NRIP2: variants seen among roughly 807,000 people sequenced by gnomAD.
NRIP2 encodes nuclear receptor-interacting protein 2.
A neutral mutation model predicts 34.1 loss-of-function variants in NRIP2; 27 were observed. The ratio of observed to expected loss-of-function variants is 0.79; its 90% confidence interval spans 0.58 to 1.09. The LOEUF is 1.09. Ranked by LOEUF, NRIP2 falls within the 50% of genes least tolerant of loss-of-function variation. The pLI is 0.00. For synonymous variants in NRIP2, 145 were observed against 146.9 expected, an observed-to-expected ratio of 0.99 and a Z score of 0.09; for missense variants, 385 against 352.6, an observed-to-expected ratio of 1.09 and a Z score of -0.74.
chr12:2,831,818 A>C (rs2098004732), intron 1 of NRIP2, among the ~76,000 whole-genome samples: 2 of 151,808 alleles, frequency 1.3e-5, no homozygotes, highest in South Asian at 4.2e-4. Context: ...ACTGGACTCT[A>C]ATTCCTTGGC....
At chr12:2,828,562 A>G (rs531375932) in intron 2 of NRIP2, 148 bp from the exon 3 acceptor site, 7 of 666,754 alleles carry the variant, frequency 1.0e-5, no homozygotes, top group South Asian at 1.9e-5. Context: ...TATCGGGGCC[A>G]GGCGCGGTAG....
Position 2,828,035 on chromosome 12 carries a change from C to A in NRIP2, c.591G>T (p.Arg197Ser). 1.2e-6 allele frequency: 2 copies of A among 1,613,738 alleles called. No homozygotes were observed. The highest frequency in any genetic ancestry group is 1.7e-6 in the Non-Finnish European group (2 of 1,179,848). Residue 197 changes from arginine (R) to serine (S), a missense_variant, in exon 4 of 6, where the codon AGG becomes AGT. Coordinates refer to ENST00000337508, the MANE Select transcript of NRIP2 (RefSeq NM_031474.3). ...GCLSRLGLEK[R>S]VLKASAGDLA... Reference sequence around the variant, plus strand: ...GGTCCCCAGCTGAGGCTTTTAGGACCCTTTTCTCTAACCTGTGGTTGGGAA... The same window carrying A: ...GGTCCCCAGCTGAGGCTTTTAGGACACTTTTCTCTAACCTGTGGTTGGGAA...
At position 2,828,372 on chromosome 12, in the gene NRIP2, G is replaced by C. The variant is rs1447086713; in HGVS notation, c.538C>G (p.Gln180Glu). Residue 180 changes from glutamine (Q) to glutamate (E), a missense_variant, in exon 3 of 6, where the codon CAA (glutamine) becomes GAA (glutamate). Physicochemically the swap from Gln to Glu is conservative, Grantham distance 29. Transcript: ENST00000337508. The stretch of plus-strand genomic sequence containing the variant: ...CATCCAGCAGAGATCCGATTGTATT[G>C]GGTGCCTGTGTCAACGGCCACTCTA... ...LLRVAVDTGT[Q>E]YNRISAGCLS... The C allele has an allele frequency of 3.1e-6, 5 of 1,614,098 alleles. No homozygotes were observed. Among genetic ancestry groups the C allele is most frequent in the Non-Finnish European group, 4.2e-6 (5 of 1,180,038 alleles).
chr12:2,834,875 G>A lies in NRIP2; in HGVS notation c.109C>T (p.Pro37Ser), dbSNP rs749967053. Reference protein sequence around the residue: ...AGRSREDSVTPPPSSPWPTPP... With the variant: ...AGRSREDSVTSPPSSPWPTPP... ...GTGGGCCAGGGGCTGCTCGGTGGGGGCGTCACCGAGTCCTCTCTGCTTCTT... is the reference window on the plus strand; with the variant it reads ...GTGGGCCAGGGGCTGCTCGGTGGGGACGTCACCGAGTCCTCTCTGCTTCTT... Residue 37 changes from proline (P) to serine (S), a missense_variant, in exon 1 of 6, where the codon CCC (proline) becomes TCC (serine). Physicochemically the swap from Pro to Ser is moderately conservative, Grantham distance 74 (BLOSUM62 -1). Coordinates refer to ENST00000337508, the MANE Select transcript of NRIP2 (RefSeq NM_031474.3). The A allele has an allele frequency of 3.7e-6, 6 of 1,613,654 alleles. No individual in the cohort carries two copies. The highest frequency in any genetic ancestry group is 2.5e-6 in the Non-Finnish European group (3 of 1,179,974).
In NRIP2 at chr12:2,827,219, C is replaced by G; in HGVS notation, c.834G>C (p.Glu278Asp). 1.2e-6 allele frequency: 2 copies of G among 1,614,158 alleles called. No individual in the cohort carries two copies. Among genetic ancestry groups the G allele is most frequent in the South Asian group, 1.1e-5 (1 of 91,088 alleles). Residue 278 changes from glutamate (E) to aspartate (D), a missense_variant, in exon 6 of 6, where the codon GAG becomes GAC. Glu to Asp is a conservative substitution (Grantham distance 45, BLOSUM62 2). Transcript: ENST00000337508. The surrounding 1 kb of genome is among the most constrained non-coding windows in gnomAD (Gnocchi z 4.0). ...SELPFLPLYQ[E>D]PGQ Reference sequence around the variant, plus strand: ...ACTGAGACAGCAGTCACTGGCCAGGCTCTTGGTACAAAGGCAGGAAGGGTA... The same window carrying G: ...ACTGAGACAGCAGTCACTGGCCAGGGTCTTGGTACAAAGGCAGGAAGGGTA...
intron 1 of NRIP2, among the ~76,000 whole-genome samples, chr12:2,832,081 C>T (rs555616220): frequency 2.6e-5 from 4 of 152,270 alleles, no homozygotes; most frequent in African/African-American, 9.6e-5. Context: ...AGATCAGCAA[C>T]TTTAACATCA....
At position 2,826,247 on chromosome 12, in the gene NRIP2, C is replaced by G. The variant is rs1340789469; in HGVS notation, c.*960G>C. On this transcript the variant is annotated 3_prime_UTR_variant, in exon 6 of 6. Coordinates refer to ENST00000337508, the MANE Select transcript of NRIP2 (RefSeq NM_031474.3). ...CTCTGTCTTTTTGCTTTGGCAAAGC[C>G]TGGCAGGGGGTTAGAAAGCCACTGA... The G allele has an allele frequency of 2.0e-5, 3 of 151,668 alleles. No individual in the cohort carries two copies. The highest frequency in any genetic ancestry group is 1.3e-4 in the Admixed American group (2 of 15,242). The allele number at this position is 151,668 out of a possible 1,614,324, so 9.4% of individuals were successfully genotyped here.
At position 2,826,549 on chromosome 12, in the gene NRIP2, A is replaced by G. The variant is rs1448905909; in HGVS notation, c.*658T>C. ...AGCAGAAGTATGTCCAAGGTTTTGC[A>G]CAGGGTAATCAAACTAACTGGCTTC... On this transcript the variant is annotated 3_prime_UTR_variant, in exon 6 of 6. Transcript: ENST00000337508. 7.0e-6 allele frequency: 1 copy of G among 142,624 alleles called. No individual in the cohort carries two copies. The allele number at this position is 142,624 out of a possible 1,614,324, so 8.8% of individuals were successfully genotyped here.
rs1025402179 is a variant in NRIP2, at chr12:2,827,383, TC to T, written c.754-85del. ...TGCTCCTTTTGTTCCCCCTCCCACTTCCCACAGCTTCCACCTGCCTTTTGCT... is the reference window on the plus strand; with the variant it reads ...TGCTCCTTTTGTTCCCCCTCCCACTTCCACAGCTTCCACCTGCCTTTTGCT... On this transcript the variant is annotated intron_variant, in intron 5 of 5. Coordinates refer to ENST00000337508, the MANE Select transcript of NRIP2 (RefSeq NM_031474.3). The surrounding 1 kb of genome is among the most constrained non-coding windows in gnomAD (Gnocchi z 4.0). 3.3e-5 allele frequency: 51 copies of T among 1,532,612 alleles called. No individual in the cohort carries two copies. The highest frequency in any genetic ancestry group is 4.2e-4 in the Middle Eastern group (2 of 4,768). 94.9% of individuals were successfully genotyped at this position (1,532,612 alleles called of 1,614,324 possible). A position where few individuals can be genotyped will look rare whatever the true frequency, so the allele number is the denominator to read the frequency against.
chr12:2,830,883 A>G (rs762581764), intron 1 of NRIP2, 23 bp from the exon 2 acceptor site: 1 of 1,608,112 alleles, frequency 6.2e-7, no homozygotes, highest in Non-Finnish European at 8.5e-7. Context: ...CAAAACAATG[A>G]AGGTAGGCAG....
At chr12:2,834,614 C>T (rs373279653) in intron 1 of NRIP2, 28 bp downstream of exon 1, 22 of 1,543,748 alleles carry the variant, frequency 1.4e-5, no homozygotes, top group African/African-American at 9.6e-5. Flanking sequence ...GGCCAGGGGA[C>T]GCTGGCAGGG....
At chr12:2,830,470 G>A (rs1288865184) in intron 2 of NRIP2, 5 of 468,432 alleles carry the variant, frequency 1.1e-5, no homozygotes, top group Non-Finnish European at 1.9e-5. Flanking sequence ...TTTAAGTATT[G>A]TATTTTGACC....
chr12:2,827,186 G>A lies in NRIP2; in HGVS notation c.*21C>T, dbSNP rs776610615. On this transcript the variant is annotated 3_prime_UTR_variant, in exon 6 of 6. Coordinates refer to ENST00000337508, the MANE Select transcript of NRIP2 (RefSeq NM_031474.3). The surrounding 1 kb of genome is among the most constrained non-coding windows in gnomAD (Gnocchi z 4.0). ...CTTCTAAGGCAAGGTCTTTCCCTCT[G>A]GGGACTGACTGAGACAGCAGTCACT... 1.4e-5 allele frequency: 22 copies of A among 1,613,854 alleles called. No individual in the cohort carries two copies. The Middle Eastern group carries it at 4.9e-4, about 36-fold the overall frequency.
rs1422858500 is a variant in NRIP2 at position 2,827,315 on chromosome 12, C to T, written c.754-16G>A. On this transcript the variant is annotated splice_polypyrimidine_tract_variant and intron_variant, in intron 5 of 5. Transcript: ENST00000337508. The surrounding 1 kb of genome is among the most constrained non-coding windows in gnomAD (Gnocchi z 4.0). ...CGATGCAGCACTGCGGGGTGTAGAG[C>T]AGTCATGCCAGGTCACCTCAGCCCG... The T allele has an allele frequency of 6.2e-7, 1 of 1,607,048 alleles. No homozygotes were observed. Among genetic ancestry groups the T allele is most frequent in the Non-Finnish European group, 8.5e-7 (1 of 1,177,450 alleles).
Position 2,830,780 on chromosome 12 carries a change from G to C in NRIP2, c.423C>G (p.Asp141Glu). The C allele has an allele frequency of 6.2e-7, 1 of 1,613,880 alleles. No homozygotes were observed. Among genetic ancestry groups the C allele is most frequent in the Non-Finnish European group, 8.5e-7 (1 of 1,179,918 alleles). ...WLQGEPPRMQ[D>E]LIHGQESRRK... ...TCCTGCTCTCCTGGCCATGAATCAGGTCCTGCATCCGGGGAGGCTCCCCCT... is the reference window on the plus strand; with the variant it reads ...TCCTGCTCTCCTGGCCATGAATCAGCTCCTGCATCCGGGGAGGCTCCCCCT... Residue 141 changes from aspartate (D) to glutamate (E), a missense_variant, in exon 2 of 6, where the codon GAC becomes GAG. Asp to Glu is a conservative substitution (Grantham distance 45). Transcript: ENST00000337508.
chr12:2,827,501 G>A lies in NRIP2; in HGVS notation c.753+124C>T, dbSNP rs1375242263. 2 of 1,559,756 alleles carry A rather than the reference G, an allele frequency of 1.3e-6. No homozygotes were observed. Among genetic ancestry groups the A allele is most frequent in the East Asian group, 2.2e-5 (1 of 44,594 alleles). ...TTGGTGGTAAGTAAGGAACCTCTAA[G>A]GAAGCAAAGGGACAGTTGCCCATCT... On this transcript the variant is annotated intron_variant, in intron 5 of 5. Transcript: ENST00000337508. The surrounding 1 kb of genome is among the most constrained non-coding windows in gnomAD (Gnocchi z 4.0).
rs567937951 is a variant in NRIP2, at chr12:2,827,651, C to T, written c.727G>A (p.Gly243Ser). 3 of 1,614,120 alleles carry T rather than the reference C, an allele frequency of 1.9e-6. No homozygotes were observed. Among genetic ancestry groups the T allele is most frequent in the Admixed American group, 3.3e-5 (2 of 60,010 alleles). ...VDAESPEFCL[G>S]LQTLLSLKCC... is the part of the protein sequence containing the mutation. ...TTGAGAGAAAGCAGAGTCTGCAGGCCCAGGCAGAATTCAGGACTCTCAGCA... is the reference window on the plus strand; with the variant it reads ...TTGAGAGAAAGCAGAGTCTGCAGGCTCAGGCAGAATTCAGGACTCTCAGCA... Residue 243 changes from glycine (G) to serine (S), a missense_variant, in exon 5 of 6, where the codon GGC becomes AGC. Gly to Ser is a moderately conservative substitution (Grantham distance 56, BLOSUM62 0). Transcript: ENST00000337508. This position sits in a 1 kb window ranked among gnomAD's most constrained non-coding sequence, Gnocchi z 4.0.
intron 2 of NRIP2, 192 bp downstream of exon 2, chr12:2,830,516 G>T (rs911808394): frequency 1.8e-6 from 1 of 548,628 alleles, no homozygotes; most frequent in African/African-American, 1.9e-5. Context: ...GTGACAGATG[G>T]AGTTGCACCG....
chr12:2,830,714 G>A lies in NRIP2; in HGVS notation c.489C>T (p.Asn163=), dbSNP rs371538864. ...TCCCTGGGAGGCCTCTCACCTTGCA[G>A]TTGACCAGAAGAGCTGGAATCTCTG... is the stretch of plus-strand genomic sequence containing the variant. The part of the protein sequence containing the change: ...SRTEIPALLV[N]CKCQDQLLRV... Residue 163 remains asparagine (N), a synonymous_variant, in exon 2 of 6, where the codon AAC becomes AAT. Coordinates refer to ENST00000337508, the MANE Select transcript of NRIP2 (RefSeq NM_031474.3). The A allele has an allele frequency of 2.6e-5, 42 of 1,611,138 alleles. No individual in the cohort carries two copies. In the African/African-American group the frequency reaches 2.8e-4, roughly 11 times the overall value.
Sources: allele counts gnomAD v4.1 joint callset (sites outside exome capture counted in the v4.1 genomes callset), GRCh38; gene constraint gnomAD v4.1.1; non-coding constraint Gnocchi (gnomAD v3.1); transcripts MANE v1.5; gene names NCBI Gene and HGNC (gene_info 2026-07-23, HGNC 2026-07-21).